Variants in MAST2 observed in about 807,000 individuals in gnomAD.
MAST2 encodes the protein microtubule associated serine/threonine kinase 2.
MAST2 carries 70 observed loss-of-function variants against 147.4 expected under a neutral mutation model. The observed-to-expected ratio is 0.47, with a 90% CI of 0.39 to 0.58. The LOEUF (loss-of-function observed/expected upper bound fraction) is 0.58. Ranked by LOEUF, MAST2 falls within the 20% of genes least tolerant of loss-of-function variation. The probability of loss-of-function intolerance (pLI) is 0.00; values close to 1 mark genes in which losing one functional copy is unlikely to be tolerated. For missense variants in MAST2, 2,080 were observed against 2,302.3 expected, an observed-to-expected ratio of 0.90 and a Z score of 1.98; for synonymous variants, 869 against 896.8, an observed-to-expected ratio of 0.97 and a Z score of 0.55.
chr1:45,952,679 A>G (rs1362820370), intron 4 of MAST2, among the ~76,000 whole-genome samples: 2 of 152,240 alleles, frequency 1.3e-5, no homozygotes, highest in African/African-American at 4.8e-5. Context: ...TAATATTTTT[A>G]AAGTATTGAG....
chr1:45,893,428 A>T (rs1648189359), intron 4 of MAST2, among the ~76,000 whole-genome samples: 1 of 151,340 alleles, frequency 6.6e-6, no homozygotes, highest in African/African-American at 2.4e-5. Flanking sequence ...CGGGGTAGAG[A>T]TAGGGTCTTG....
chr1:45,891,540 G>C (rs920081982), intron 4 of MAST2, among the ~76,000 whole-genome samples: 1 of 152,070 alleles, frequency 6.6e-6, no homozygotes, highest in African/African-American at 2.4e-5. Context: ...AACTTACAGA[G>C]TTGTAAAGTA....
At chr1:46,032,804 G>A (rs1348937567) in intron 26 of MAST2, 86 bp downstream of exon 26, 2 of 1,528,912 alleles carry the variant, frequency 1.3e-6, no homozygotes, top group East Asian at 4.5e-5. Flanking sequence ...TGGGTGAGTT[G>A]GGTGCACACA....
In MAST2 at chr1:46,008,316, C is replaced by G. The variant is rs1645572231; in HGVS notation, c.923C>G (p.Ser308Cys). ...RSLSPGRSPV[S>C]FDSEIIMMNH... ...TTTAGTCCCGGACGATCCCCAGTATCCTTTGACAGTGAAATAATAATGATG... is the reference window on the plus strand; with the variant it reads ...TTTAGTCCCGGACGATCCCCAGTATGCTTTGACAGTGAAATAATAATGATG... The change falls in exon 9 of 29, where the codon TCC becomes TGC. Residue 308 changes from serine (S) to cysteine (C), a missense_variant. This residue lies in a region of MAST2 where 569 missense variants were observed against 642.5 expected (regional missense o/e 0.89). Coordinates refer to ENST00000361297, the MANE Select transcript of MAST2 (RefSeq NM_015112.3). 6.2e-7 allele frequency: 1 copy of G among 1,611,868 alleles called. No individual in the cohort carries two copies. The highest frequency in any genetic ancestry group is 2.2e-5 in the East Asian group (1 of 44,864).
chr1:46,006,433 G>A, intron 8 of MAST2, 38 bp downstream of exon 8: 1 of 1,587,996 alleles, frequency 6.3e-7, no homozygotes, highest in Non-Finnish European at 8.6e-7. Context: ...AGTGCATGTG[G>A]ATTTCAGCTT....
intron 6 of MAST2, among the ~76,000 whole-genome samples, chr1:45,998,390 A>G (rs1036776819): frequency 6.6e-5 from 10 of 152,228 alleles, no homozygotes; most frequent in Admixed American, 1.3e-4. Context: ...CCCTCTTGAG[A>G]GTGATAACAA....
chr1:45,901,511 G>A (rs1649760501), intron 4 of MAST2, among the ~76,000 whole-genome samples: 1 of 152,040 alleles, frequency 6.6e-6, no homozygotes, highest in Non-Finnish European at 1.5e-5. Context: ...TATGAATTTT[G>A]GAATGGTTTT....
At chr1:45,915,937 AGT>A (rs1415424281) in intron 4 of MAST2, among the ~76,000 whole-genome samples, 1 of 152,204 alleles carries the variant, frequency 6.6e-6, no homozygotes, top group East Asian at 1.9e-4. Context: ...TCTTTGGAAG[AGT>A]GAAAATTCTT....
At chr1:45,817,094 A>G (rs1180544133) in intron 1 of MAST2, among the ~76,000 whole-genome samples, 1 of 152,232 alleles carries the variant, frequency 6.6e-6, no homozygotes, top group Non-Finnish European at 1.5e-5. Context: ...TCTAGAAAAT[A>G]GCCTCCAAAA....
intron 10 of MAST2, among the ~76,000 whole-genome samples, chr1:46,017,166 A>G (rs1645986926): frequency 6.6e-6 from 1 of 152,220 alleles, no homozygotes; most frequent in African/African-American, 2.4e-5. Context: ...CCTTATATAA[A>G]AATTAATTCA....
rs201836498 is a variant in MAST2, at chr1:46,002,799, A to G, written c.669-6A>G. ...GAAACTGCCTAATACTTTTTCTTGC[A>G]TACAGGACTGATGGGCGGCGCTGGT... On this transcript the variant is annotated splice_region_variant and splice_polypyrimidine_tract_variant and intron_variant, in intron 6 of 28. Transcript: ENST00000361297. The G allele has an allele frequency of 5.6e-6, 9 of 1,614,070 alleles. No homozygotes were observed. The highest frequency in any genetic ancestry group is 6.8e-6 in the Non-Finnish European group (8 of 1,179,916).
intron 5 of MAST2, among the ~76,000 whole-genome samples, chr1:45,988,709 G>A (rs572066402): frequency 1.3e-5 from 2 of 152,272 alleles, no homozygotes; most frequent in East Asian, 3.9e-4. Context: ...ATCTAGATCA[G>A]ACTGTAATCC....
At chr1:46,001,057 T>C (rs1645255445) in intron 6 of MAST2, 1 of 1,154,588 alleles carries the variant, frequency 8.7e-7, no homozygotes, top group Non-Finnish European at 1.2e-6. Context: ...GATGTTGTGG[T>C]TGGTGAAAAC....
chr1:45,892,137 G>C (rs988693052), intron 4 of MAST2, among the ~76,000 whole-genome samples: 1 of 152,196 alleles, frequency 6.6e-6, no homozygotes, highest in Non-Finnish European at 1.5e-5. Flanking sequence ...TTTCAGGCAA[G>C]CTCTTTGTTG....
intron 16 of MAST2, 114 bp downstream of exon 16, chr1:46,025,929 TC>T (rs1646389717): frequency 7.4e-7 from 1 of 1,353,974 alleles, no homozygotes. Flanking sequence ...GAAAACATGC[TC>T]CTGTGTGTGT....
chr1:45,847,697 C>A (rs557670194), intron 3 of MAST2: 12 of 293,926 alleles, frequency 4.1e-5, no homozygotes, highest in African/African-American at 2.2e-4. Flanking sequence ...CAGGAGTACC[C>A]GTGCCAAATC....
chr1:45,892,844 A>T (rs1195042638), intron 4 of MAST2, among the ~76,000 whole-genome samples: 1 of 152,248 alleles, frequency 6.6e-6, no homozygotes, highest in African/African-American at 2.4e-5. Flanking sequence ...GAGAGTAATA[A>T]GGCCAGTCCA....
At chr1:45,967,706 AG>A (rs1389934936) in intron 5 of MAST2, among the ~76,000 whole-genome samples, 2 of 152,144 alleles carry the variant, frequency 1.3e-5, no homozygotes, top group Admixed American at 1.3e-4. Flanking sequence ...GGGATGCAGG[AG>A]TGGCAGGCAT....
chr1:45,955,309 T>C (rs1659500756), intron 4 of MAST2, among the ~76,000 whole-genome samples: 1 of 152,330 alleles, frequency 6.6e-6, no homozygotes, highest in Non-Finnish European at 1.5e-5. Context: ...ATACACATCT[T>C]CCTGTATACT....
Sources: allele counts gnomAD v4.1 joint callset (sites outside exome capture counted in the v4.1 genomes callset), GRCh38; gene constraint gnomAD v4.1.1; regional missense constraint gnomAD v4.1.1; transcripts MANE v1.5; gene names NCBI Gene and HGNC (gene_info 2026-07-23, HGNC 2026-07-21).